The following TIMELESS variants were observed in gnomAD, a reference collection of about 807,000 sequenced individuals.
The protein encoded by TIMELESS is protein timeless homolog.
A neutral mutation model predicts 164.3 loss-of-function variants in TIMELESS; 124 were observed. The observed-to-expected ratio is 0.75, with a 90% CI of 0.65 to 0.88. The LOEUF (loss-of-function observed/expected upper bound fraction) is 0.88. TIMELESS is among the 40% of genes least tolerant of loss of function. The pLI, the probability that TIMELESS is intolerant of heterozygous loss-of-function variation, is 0.00. For missense variants in TIMELESS, 1,422 were observed against 1,491.4 expected, an observed-to-expected ratio of 0.95 and a Z score of 0.77; for synonymous variants, 564 against 563.4, an observed-to-expected ratio of 1.00 and a Z score of -0.02.
chr12:56,431,370 A>AAC lies in TIMELESS; in HGVS notation c.821+100_821+101insGT, dbSNP rs1555177636. ...ATTCTGTCTCAAAAAAAAAAAAAAAAAACACTAAAATGTTGTTCAATCACC... is the reference window on the plus strand; with the variant it reads ...ATTCTGTCTCAAAAAAAAAAAAAAAAACAACACTAAAATGTTGTTCAATCACC... On this transcript the variant is annotated intron_variant, in intron 8 of 28. Coordinates refer to ENST00000553532, the MANE Select transcript of TIMELESS (RefSeq NM_003920.5). The AAC allele has an allele frequency of 7.6e-3, 10,083 of 1,324,194 alleles. 49 individuals carry two copies. Among genetic ancestry groups the AAC allele is most frequent in the East Asian group, 0.012 (494 of 39,934 alleles). 82.0% of individuals were successfully genotyped at this position (1,324,194 alleles called of 1,614,324 possible).
At chr12:56,445,541 C>G (rs578026587) in intron 1 of TIMELESS, among the ~76,000 whole-genome samples, 11 of 143,980 alleles carry the variant, frequency 7.6e-5, no homozygotes, top group African/African-American at 2.5e-4. Context: ...GAGTTCAAGA[C>G]TAGCCTGACC....
intron 1 of TIMELESS, among the ~76,000 whole-genome samples, chr12:56,442,189 GA>G (rs1392012403): frequency 1.6e-5 from 2 of 125,194 alleles, no homozygotes; most frequent in Non-Finnish European, 3.8e-5. Context: ...ACGTGATACT[GA>G]AAAAAACTAA....
Position 56,428,905 on chromosome 12 carries a change from C to T in TIMELESS, c.1282G>A (p.Glu428Lys), listed in dbSNP as rs1881768177. The change falls in exon 11 of 29, where the codon GAA (glutamate) becomes AAA (lysine). Residue 428 changes from glutamate to lysine, a missense_variant. Coordinates refer to ENST00000553532, the MANE Select transcript of TIMELESS (RefSeq NM_003920.5). ...YYEMMLTDRKEAASWARRMHL... is the reference protein window; with the variant it reads ...YYEMMLTDRKKAASWARRMHL... ...CACCGGCGTGCCCAGGAGGCAGCTT[C>T]CTTGCGGTCAGTCAGCATCATCTCA... is the stretch of plus-strand genomic sequence containing the variant. 1 of 1,613,950 alleles carries T rather than the reference C, an allele frequency of 6.2e-7. No individual in the cohort carries two copies. Among genetic ancestry groups the T allele is most frequent in the South Asian group, 1.1e-5 (1 of 91,058 alleles).
intron 8 of TIMELESS, 114 bp downstream of exon 8, chr12:56,431,354 CAAA>C (rs11366728): frequency 5.8e-3 from 4,735 of 812,194 alleles, no homozygotes; most frequent in Admixed American, 0.011. Context: ...AATTCTGTCT[CAAA>C]AAAAAAAAAA....
chr12:56,432,572 T>C (rs766128623), intron 6 of TIMELESS, 48 bp from the exon 7 acceptor site: 5 of 1,591,886 alleles, frequency 3.1e-6, no homozygotes, highest in Non-Finnish European at 4.3e-6. Flanking sequence ...TCAATCCCAC[T>C]GCCCTGCCTT....
At position 56,423,389 on chromosome 12, in the gene TIMELESS, A is replaced by C; in HGVS notation, c.2177T>G (p.Val726Gly). The C allele has an allele frequency of 1.2e-6, 2 of 1,614,134 alleles. No individual in the cohort carries two copies. Among genetic ancestry groups the C allele is most frequent in the Non-Finnish European group, 1.7e-6 (2 of 1,180,030 alleles). Residue 726 changes from valine to glycine, a missense_variant, in exon 18 of 29, where the codon GTG (valine) becomes GGG (glycine). Physicochemically the swap from Val to Gly is moderately radical, Grantham distance 109. Coordinates refer to ENST00000553532, the MANE Select transcript of TIMELESS (RefSeq NM_003920.5). ...ATGGGCCAGCCGGTGCAGCATCTTC[A>C]CAATGCAATGGTTAGTGTGGGCACT... ...QNSAHTNHCIVKMLHRLAHDL... is the reference protein window; with the variant it reads ...QNSAHTNHCIGKMLHRLAHDL...
At position 56,433,106 on chromosome 12, in the gene TIMELESS, C is replaced by T. The variant is rs1881949478; in HGVS notation, c.451G>A (p.Glu151Lys). The T allele has an allele frequency of 1.2e-6, 2 of 1,614,146 alleles. No homozygotes were observed. The highest frequency in any genetic ancestry group is 1.7e-6 in the Non-Finnish European group (2 of 1,180,024). ...ATCCGTTCAATCAGCAAGTTGTCTT[C>T]CTCCTGCCGTTCCTCCCAGCCCTAA... ...LQLGWEERQE[E>K]DNLLIERILL... Residue 151 changes from glutamate (E) to lysine (K), a missense_variant, in exon 6 of 29, where the codon GAA (glutamate) becomes AAA (lysine). Glu to Lys is a moderately conservative substitution (Grantham distance 56). Transcript: ENST00000553532.
intron 13 of TIMELESS, 146 bp from the exon 14 acceptor site, chr12:56,425,298 A>G: frequency 9.6e-7 from 1 of 1,039,324 alleles, no homozygotes; most frequent in South Asian, 1.7e-5. Context: ...GCAATAGTGA[A>G]CAGCATATTT....
intron 13 of TIMELESS, among the ~76,000 whole-genome samples, chr12:56,427,474 A>G (rs1350285106): frequency 6.6e-6 from 1 of 152,166 alleles, no homozygotes; most frequent in Non-Finnish European, 1.5e-5. Flanking sequence ...AACTGTCACA[A>G]TCCCAACTTT....
rs145994145 is a variant in TIMELESS, at chr12:56,428,379, G to A, written c.1435C>T (p.Arg479Ter). 6.2e-6 allele frequency: 10 copies of A among 1,611,948 alleles called. No homozygotes were observed. In the Middle Eastern group the frequency reaches 6.6e-4, roughly 107 times the overall value. ...CGAAAAAGTGCCAGGAATAGTTCTCGGTACTCCATCACATAGAAAATATTG... is the reference window on the plus strand; with the variant it reads ...CGAAAAAGTGCCAGGAATAGTTCTCAGTACTCCATCACATAGAAAATATTG... ...KNNIFYVMEYRELFLALFRKF... is the reference protein window; with the variant it reads ...KNNIFYVMEY The change falls in exon 13 of 29, where the codon CGA (arginine) becomes TGA (stop). Residue 479 changes from arginine (R) to a stop codon, truncating the protein, a stop_gained. Coordinates refer to ENST00000553532, the MANE Select transcript of TIMELESS (RefSeq NM_003920.5). LOFTEE classifies it high-confidence loss of function.
chr12:56,448,768 C>G (rs533852291), intron 1 of TIMELESS, among the ~76,000 whole-genome samples: 7 of 152,044 alleles, frequency 4.6e-5, no homozygotes, highest in Non-Finnish European at 8.8e-5. Context: ...AAGTACTAGT[C>G]GAAGCACGAA....
In TIMELESS at chr12:56,417,476, G is replaced by A. The variant is rs1881302209; in HGVS notation, c.*240C>T. 4 of 497,212 alleles carry A rather than the reference G, an allele frequency of 8.0e-6. No homozygotes were observed. Among genetic ancestry groups the A allele is most frequent in the Non-Finnish European group, 1.1e-5 (3 of 278,552 alleles). The allele number at this position is 497,212 out of a possible 1,614,324, so 30.8% of individuals were successfully genotyped here. A position where few individuals can be genotyped will look rare whatever the true frequency, so the allele number is the denominator to read the frequency against. ...AAAAGAAATGGTTCCTAGAAGAAGA[G>A]AACTAAATCTCCAGAGAGCTGCTGG... On this transcript the variant is annotated 3_prime_UTR_variant, in exon 29 of 29. Coordinates refer to ENST00000553532, the MANE Select transcript of TIMELESS (RefSeq NM_003920.5).
rs1292352452 is a variant in TIMELESS, at chr12:56,433,128, C to G, written c.430-1G>C. 20 of 1,614,022 alleles carry G rather than the reference C, an allele frequency of 1.2e-5. No individual in the cohort carries two copies. The highest frequency in any genetic ancestry group is 1.6e-5 in the Non-Finnish European group (19 of 1,179,962). On this transcript the variant is annotated splice_acceptor_variant, in intron 5 of 28. Transcript: ENST00000553532. LOFTEE classifies it high-confidence loss of function. ...CTTCCTCCTGCCGTTCCTCCCAGCC[C>G]TAACCAGAAGAGAGTAAGAGGAAGA...
At position 56,434,154 on chromosome 12, in the gene TIMELESS, A is replaced by G. The variant is rs1301090216; in HGVS notation, c.17T>C (p.Met6Thr). MDLHM[M>T]NCELLATCSA... ...ACATGTGGCTAGAAGTTCACAGTTC[A>G]TCATGTGCAAGTCCATACATCAGTG... The change falls in exon 2 of 29, where the codon ATG (methionine) becomes ACG (threonine). Residue 6 changes from methionine to threonine, a missense_variant. Met to Thr is a moderately conservative substitution (Grantham distance 81). Transcript: ENST00000553532. 2.5e-6 allele frequency: 4 copies of G among 1,614,112 alleles called. No homozygotes were observed. The East Asian group carries it at 6.7e-5, about 27-fold the overall frequency.
intron 23 of TIMELESS, 97 bp from the exon 24 acceptor site, chr12:56,421,231 G>A (rs186215017): frequency 6.9e-6 from 11 of 1,585,436 alleles, no homozygotes; most frequent in Non-Finnish European, 8.6e-6. Flanking sequence ...CCCCGCGCCT[G>A]CTCTCTCGGA....
chr12:56,418,067 C>A, intron 27 of TIMELESS, 59 bp from the exon 28 acceptor site: 1 of 1,613,216 alleles, frequency 6.2e-7, no homozygotes, highest in Non-Finnish European at 8.5e-7. Context: ...CTCAGAACAC[C>A]TTTCCTGCCC....
At chr12:56,441,535 G>A (rs943281657) in intron 1 of TIMELESS, among the ~76,000 whole-genome samples, 8 of 152,300 alleles carry the variant, frequency 5.3e-5, no homozygotes, top group East Asian at 3.9e-4. Context: ...GCTAAGGCAG[G>A]AGGATCACTT....
chr12:56,437,946 T>C (rs893042578), intron 1 of TIMELESS, among the ~76,000 whole-genome samples: 1 of 151,936 alleles, frequency 6.6e-6, no homozygotes. Context: ...AAAAAACACA[T>C]AAAAAGACCC....
intron 19 of TIMELESS, 100 bp downstream of exon 19, chr12:56,422,747 T>C: frequency 7.7e-7 from 1 of 1,305,378 alleles, no homozygotes; most frequent in South Asian, 1.4e-5. Context: ...AAAGAAACAG[T>C]GGGCTAAATG....
Sources: allele counts gnomAD v4.1 joint callset (sites outside exome capture counted in the v4.1 genomes callset), GRCh38; gene constraint gnomAD v4.1.1; transcripts MANE v1.5; gene names NCBI Gene and HGNC (gene_info 2026-07-23, HGNC 2026-07-21).